SP8: variants seen among roughly 807,000 people sequenced by gnomAD.
The protein encoded by SP8 is transcription factor Sp8.
Under a neutral mutation model 15.3 loss-of-function variants are expected in SP8, and 7 were observed. The ratio of observed to expected loss-of-function variants is 0.46; its 90% confidence interval spans 0.26 to 0.86. The LOEUF is 0.86. SP8 is among the 40% of genes least tolerant of loss of function. The pLI, the probability that SP8 is intolerant of heterozygous loss-of-function variation, is 0.16. For missense variants in SP8, 731 were observed against 736.4 expected, an observed-to-expected ratio of 0.99 and a Z score of 0.09; for synonymous variants, 415 against 356.3, an observed-to-expected ratio of 1.16 and a Z score of -1.86.
chr7:20,784,017 C>G lies in SP8; in HGVS notation c.*273G>C, dbSNP rs1783580021. 1 of 435,342 alleles carries G rather than the reference C, an allele frequency of 2.3e-6. No homozygotes were observed. The allele number at this position is 435,342 out of a possible 1,614,324, so 27.0% of individuals were successfully genotyped here. A position where few individuals can be genotyped will look rare whatever the true frequency, so the allele number is the denominator to read the frequency against. The stretch of plus-strand genomic sequence containing the variant: ...GAGAGAACGAGAAATAAAGGCCCGA[C>G]GAGGCGCGGGTTCCGGCTGCAACGG... On this transcript the variant is annotated 3_prime_UTR_variant, in exon 2 of 2. Coordinates refer to ENST00000418710, the MANE Select transcript of SP8 (RefSeq NM_182700.6).
Position 20,785,288 on chromosome 7 carries a change from G to A in SP8, c.529C>T (p.Pro177Ser). 1.2e-5 allele frequency: 19 copies of A among 1,557,358 alleles called. No individual in the cohort carries two copies. Among genetic ancestry groups the A allele is most frequent in the Non-Finnish European group, 1.5e-5 (17 of 1,156,230 alleles). Residue 177 changes from proline to serine, a missense_variant, in exon 2 of 2, where the codon CCG becomes TCG. Coordinates refer to ENST00000418710, the MANE Select transcript of SP8 (RefSeq NM_182700.6). The surrounding 1 kb of genome is among the most constrained non-coding windows in gnomAD (Gnocchi z 7.2). ...GTGTGCACCTTGGAGATGAACACCG[G>A]CTGGTGGGAGCCGTCCTGCGAGTGC... ...SAHSQDGSHQ[P>S]VFISKVHTSV...
In SP8 at chr7:20,785,713, G is replaced by C. The variant is rs180916416; in HGVS notation, c.104C>G (p.Ser35Cys). 1 of 1,613,994 alleles carries C rather than the reference G, an allele frequency of 6.2e-7. No homozygotes were observed. The highest frequency in any genetic ancestry group is 2.2e-5 in the East Asian group (1 of 44,826). ...GGAAGAAGAGCTGTCCGAGAGGGAG[G>C]AGGGAGACGGGCTGGGGCTGCCTAT... ...NKIGSPSPSP[S>C]SLSDSSSSFG... The change falls in exon 2 of 2, where the codon TCC becomes TGC. Residue 35 changes from serine (S) to cysteine (C), a missense_variant. Ser to Cys is a moderately radical substitution (Grantham distance 112). Coordinates refer to ENST00000418710, the MANE Select transcript of SP8 (RefSeq NM_182700.6). This position sits in a 1 kb window ranked among gnomAD's most constrained non-coding sequence, Gnocchi z 7.2.
Position 20,783,842 on chromosome 7 carries a change from C to CG in SP8, c.*447dup, listed in dbSNP as rs56221191. 1 allele frequency: 161,161 copies of CG among 161,464 alleles called. 80,429 individuals carry two copies. Among genetic ancestry groups the CG allele is most frequent in the East Asian group, 1 (5,400 of 5,400 alleles). The allele number at this position is 161,464 out of a possible 1,614,324, so 10.0% of individuals were successfully genotyped here. A position where few individuals can be genotyped will look rare whatever the true frequency, so the allele number is the denominator to read the frequency against. On this transcript the variant is annotated 3_prime_UTR_variant, in exon 2 of 2. Transcript: ENST00000418710. ...TCCAGCCTCTCCCTCTCCACCGCTC[C>CG]GCTCAGGCTTGTCAGCCGAGCCGCT...
Position 20,783,227 on chromosome 7 carries a change from T to C in SP8, c.*1063A>G, listed in dbSNP as rs1264730291. On this transcript the variant is annotated 3_prime_UTR_variant, in exon 2 of 2. Transcript: ENST00000418710. ...TTGACGGCCGGACTAACAAAAAAGA[T>C]TGGGAGGTTATGTTTGGGAGTGGTG... 13 of 152,480 alleles carry C rather than the reference T, an allele frequency of 8.5e-5. No homozygotes were observed. Among genetic ancestry groups the C allele is most frequent in the South Asian group, 2.1e-4 (1 of 4,824 alleles). The allele number at this position is 152,480 out of a possible 1,614,324, so 9.4% of individuals were successfully genotyped here.
At position 20,785,837 on chromosome 7, in the gene SP8, G is replaced by A. The variant is rs1261267699; in HGVS notation, c.22-42C>T. On this transcript the variant is annotated intron_variant, in intron 1 of 1. Transcript: ENST00000418710. This position sits in a 1 kb window ranked among gnomAD's most constrained non-coding sequence, Gnocchi z 7.2. ...AGAAGGAGTGGGGGAGGGGAGGTGG[G>A]CAAAGGGCCGGTGGGGGAGGAAAGG... is the stretch of plus-strand genomic sequence containing the variant. 2 of 1,070,424 alleles carry A rather than the reference G, an allele frequency of 1.9e-6. No homozygotes were observed. The highest frequency in any genetic ancestry group is 3.5e-5 in the East Asian group (1 of 28,546). 66.3% of individuals were successfully genotyped at this position (1,070,424 alleles called of 1,614,324 possible). A position where few individuals can be genotyped will look rare whatever the true frequency, so the allele number is the denominator to read the frequency against.
Position 20,784,795 on chromosome 7 carries a change from G to C in SP8, c.1022C>G (p.Ala341Gly). The C allele has an allele frequency of 1.3e-6, 2 of 1,533,748 alleles. No individual in the cohort carries two copies. Among genetic ancestry groups the C allele is most frequent in the Non-Finnish European group, 1.7e-6 (2 of 1,146,832 alleles). Residue 341 changes from alanine (A) to glycine (G), a missense_variant, in exon 2 of 2, where the codon GCT (alanine) becomes GGT (glycine). Physicochemically the swap from Ala to Gly is moderately conservative, Grantham distance 60. Transcript: ENST00000418710. ...APLGGSPRSS[A>G]RRYSGRATCD... is the part of the protein sequence containing the mutation. ...GGTGGCGCGGCCGGAGTAGCGGCGA[G>C]CTGAGGAGCGCGGGGAGCCCCCCAG...
Position 20,784,404 on chromosome 7 carries a change from G to T in SP8, c.1413C>A (p.Gly471=). ...TGTCGGTGTCGCTGCCCTTCTTGCC[G>T]CCGCTGCCCGAGCCCGCCGAGCCGC... ...GGGGSAGSGS[G]GKKGSDTDSE... The change falls in exon 2 of 2, where the codon GGC becomes GGA. Residue 471 remains glycine (G), a synonymous_variant. Transcript: ENST00000418710. 1 of 1,527,148 alleles carries T rather than the reference G, an allele frequency of 6.5e-7. No homozygotes were observed. Among genetic ancestry groups the T allele is most frequent in the Non-Finnish European group, 8.8e-7 (1 of 1,142,768 alleles). 94.6% of individuals were successfully genotyped at this position (1,527,148 alleles called of 1,614,324 possible).
At position 20,785,337 on chromosome 7, in the gene SP8, C is replaced by CCCGCCG. The variant is rs749457306; in HGVS notation, c.474_479dup (p.Gly164_Gly165dup). 93 of 1,371,832 alleles carry CCCGCCG rather than the reference C, an allele frequency of 6.8e-5. 1 individual carries two copies. In the East Asian group the frequency reaches 9.4e-4, roughly 14 times the overall value. 85.0% of individuals were successfully genotyped at this position (1,371,832 alleles called of 1,614,324 possible). A position where few individuals can be genotyped will look rare whatever the true frequency, so the allele number is the denominator to read the frequency against. On this transcript the variant is annotated inframe_insertion, in exon 2 of 2. Transcript: ENST00000418710. This position sits in a 1 kb window ranked among gnomAD's most constrained non-coding sequence, Gnocchi z 7.2. ...GCGCGGAGGAGCCGCCGCCGCCGCCCCCGCCGCCGCCGCCGCTGCCCCCGG... is the reference window on the plus strand; with the variant it reads ...GCGCGGAGGAGCCGCCGCCGCCGCCCCCGCCGCCGCCGCCGCCGCCGCTGCCCCCGG...
rs1367044015 is a variant in SP8 at position 20,786,057 on chromosome 7, T to G, written c.22-262A>C. The G allele has an allele frequency of 7.4e-6, 10 of 1,349,758 alleles. No individual in the cohort carries two copies. Among genetic ancestry groups the G allele is most frequent in the Non-Finnish European group, 1.9e-6 (2 of 1,048,070 alleles). 83.6% of individuals were successfully genotyped at this position (1,349,758 alleles called of 1,614,324 possible). A position where few individuals can be genotyped will look rare whatever the true frequency, so the allele number is the denominator to read the frequency against. On this transcript the variant is annotated intron_variant, in intron 1 of 1. Coordinates refer to ENST00000418710, the MANE Select transcript of SP8 (RefSeq NM_182700.6). The surrounding 1 kb of genome is among the most constrained non-coding windows in gnomAD (Gnocchi z 4.4). ...GCAAGCACCACGCTAAAGAAGAGTT[T>G]GACAAGTATTCTCACCTAAAACAAC...
In SP8 at chr7:20,786,717, C is replaced by T; in HGVS notation, c.21+61G>A. The T allele has an allele frequency of 6.7e-7, 1 of 1,501,472 alleles. No homozygotes were observed. 93.0% of individuals were successfully genotyped at this position (1,501,472 alleles called of 1,614,324 possible). ...TGGCCTGGCCGGGGCGACTTTAACCCCCTCCAATCGGCAATAAAAGGAAAC... is the reference window on the plus strand; with the variant it reads ...TGGCCTGGCCGGGGCGACTTTAACCTCCTCCAATCGGCAATAAAAGGAAAC... On this transcript the variant is annotated intron_variant, in intron 1 of 1. Transcript: ENST00000418710. The surrounding 1 kb of genome is among the most constrained non-coding windows in gnomAD (Gnocchi z 4.4).
At position 20,785,180 on chromosome 7, in the gene SP8, C is replaced by T; in HGVS notation, c.637G>A (p.Gly213Ser). ...YESWFKPSHP[G>S]LGAAGEVGSA... ...CCCACCTCGCCCGCAGCACCCAGGC[C>T]CGGGTGCGAGGGCTTAAACCACGAC... Residue 213 changes from glycine to serine, a missense_variant, in exon 2 of 2, where the codon GGC (glycine) becomes AGC (serine). Transcript: ENST00000418710. The surrounding 1 kb of genome is among the most constrained non-coding windows in gnomAD (Gnocchi z 7.2). 6.3e-7 allele frequency: 1 copy of T among 1,599,178 alleles called. No individual in the cohort carries two copies.
rs1783583841 is a variant in SP8, at chr7:20,784,120, C to G, written c.*170G>C. ...GCGTGTTACTTACTTGTCCATATCC[C>G]CTTTACAAAGTTAAGTCACAGAAGG... On this transcript the variant is annotated 3_prime_UTR_variant, in exon 2 of 2. Transcript: ENST00000418710. The G allele has an allele frequency of 6.6e-6, 4 of 607,606 alleles. No individual in the cohort carries two copies. The highest frequency in any genetic ancestry group is 7.7e-6 in the Non-Finnish European group (3 of 389,254). The allele number at this position is 607,606 out of a possible 1,614,324, so 37.6% of individuals were successfully genotyped here.
chr7:20,785,335 CCCCCGCCG>C lies in SP8; in HGVS notation c.474_481del (p.Gly159ArgfsTer47). ...GTGCGCGGAGGAGCCGCCGCCGCCGCCCCCGCCGCCGCCGCCGCTGCCCCCGGAAACTC... is the reference window on the plus strand; with the variant it reads ...GTGCGCGGAGGAGCCGCCGCCGCCGCCCGCCGCCGCTGCCCCCGGAAACTC... On this transcript the variant is annotated frameshift_variant, in exon 2 of 2. Coordinates refer to ENST00000418710, the MANE Select transcript of SP8 (RefSeq NM_182700.6). LOFTEE classifies it low-confidence loss of function (END_TRUNC). This position sits in a 1 kb window ranked among gnomAD's most constrained non-coding sequence, Gnocchi z 7.2. The C allele has an allele frequency of 7.3e-7, 1 of 1,379,026 alleles. No individual in the cohort carries two copies. Among genetic ancestry groups the C allele is most frequent in the South Asian group, 1.3e-5 (1 of 74,592 alleles). 85.4% of individuals were successfully genotyped at this position (1,379,026 alleles called of 1,614,324 possible).
At position 20,786,783 on chromosome 7, in the gene SP8, G is replaced by C. The variant is rs761190891; in HGVS notation, c.16C>G (p.Leu6Val). The C allele has an allele frequency of 2.5e-6, 4 of 1,613,548 alleles. No homozygotes were observed. The highest frequency in any genetic ancestry group is 3.4e-6 in the Non-Finnish European group (4 of 1,179,482). MATSL[L>V]GEEPRLGSTP... is the part of the protein sequence containing the mutation. ...GAGAAAATCCTGAGACTCACCCCTAGAAGTGAAGTTGCCATCACACAAAAG... is the reference window on the plus strand; with the variant it reads ...GAGAAAATCCTGAGACTCACCCCTACAAGTGAAGTTGCCATCACACAAAAG... Residue 6 changes from leucine to valine, a missense_variant, in exon 1 of 2, where the codon CTA becomes GTA. Leu to Val is a conservative substitution (Grantham distance 32, BLOSUM62 1). Coordinates refer to ENST00000418710, the MANE Select transcript of SP8 (RefSeq NM_182700.6). This position sits in a 1 kb window ranked among gnomAD's most constrained non-coding sequence, Gnocchi z 4.4.
chr7:20,784,926 G>A lies in SP8; in HGVS notation c.891C>T (p.Leu297=), dbSNP rs2128063369. ...SHLLSPAGQH[L]MDGFKPVLPG... ...GTAGCACTGGCTTGAAGCCGTCCAT[G>A]AGGTGCTGCCCGGCGGGGCTGAGCA... is the stretch of plus-strand genomic sequence containing the variant. Residue 297 remains leucine, a synonymous_variant, in exon 2 of 2, where the codon CTC becomes CTT. Transcript: ENST00000418710. 6.5e-7 allele frequency: 1 copy of A among 1,548,962 alleles called. No homozygotes were observed. The highest frequency in any genetic ancestry group is 1.9e-5 in the Admixed American group (1 of 52,608).
At position 20,782,446 on chromosome 7, in the gene SP8, C is replaced by G. The variant is rs1431473314; in HGVS notation, c.*1844G>C. 2 of 152,620 alleles carry G rather than the reference C, an allele frequency of 1.3e-5. No individual in the cohort carries two copies. Among genetic ancestry groups the G allele is most frequent in the Non-Finnish European group, 2.9e-5 (2 of 68,030 alleles). The allele number at this position is 152,620 out of a possible 1,614,324, so 9.5% of individuals were successfully genotyped here. A position where few individuals can be genotyped will look rare whatever the true frequency, so the allele number is the denominator to read the frequency against. ...ACAATGAGCAATTAGTTTGCAGAAT[C>G]TGCAAACATTTAAATGTAGTGTCAG... is the stretch of plus-strand genomic sequence containing the variant. On this transcript the variant is annotated 3_prime_UTR_variant, in exon 2 of 2. Coordinates refer to ENST00000418710, the MANE Select transcript of SP8 (RefSeq NM_182700.6).
chr7:20,784,900 G>A lies in SP8; in HGVS notation c.917C>T (p.Pro306Leu). Residue 306 changes from proline (P) to leucine (L), a missense_variant, in exon 2 of 2, where the codon CCC becomes CTC. By Grantham distance (98) the Pro-to-Leu change is moderately conservative (BLOSUM62 -3). This residue lies in a region of SP8 where 586 missense variants were observed against 524.9 expected (regional missense o/e 1.12). Coordinates refer to ENST00000418710, the MANE Select transcript of SP8 (RefSeq NM_182700.6). ...CGGGGCCGAGTCCGGGTAGGAGCCG[G>A]GTAGCACTGGCTTGAAGCCGTCCAT... Reference protein sequence around the residue: ...HLMDGFKPVLPGSYPDSAPSP... With the variant: ...HLMDGFKPVLLGSYPDSAPSP... The A allele has an allele frequency of 1.3e-6, 2 of 1,536,428 alleles. No individual in the cohort carries two copies. The highest frequency in any genetic ancestry group is 1.7e-6 in the Non-Finnish European group (2 of 1,147,616).
In SP8 at chr7:20,785,167, G is replaced by T; in HGVS notation, c.650C>A (p.Ala217Glu). 6.3e-7 allele frequency: 1 copy of T among 1,596,474 alleles called. No individual in the cohort carries two copies. The highest frequency in any genetic ancestry group is 1.4e-5 in the African/African-American group (1 of 73,862). ...GGCGCCGGCCGAGCCCACCTCGCCC[G>T]CAGCACCCAGGCCCGGGTGCGAGGG... ...FKPSHPGLGA[A>E]GEVGSAGASS... Residue 217 changes from alanine (A) to glutamate (E), a missense_variant, in exon 2 of 2, where the codon GCG becomes GAG. Physicochemically the swap from Ala to Glu is moderately radical, Grantham distance 107. Coordinates refer to ENST00000418710, the MANE Select transcript of SP8 (RefSeq NM_182700.6). This position sits in a 1 kb window ranked among gnomAD's most constrained non-coding sequence, Gnocchi z 7.2.
chr7:20,785,521 G>C lies in SP8; in HGVS notation c.296C>G (p.Ala99Gly). Residue 99 changes from alanine (A) to glycine (G), a missense_variant, in exon 2 of 2, where the codon GCC (alanine) becomes GGC (glycine). By Grantham distance (60) the Ala-to-Gly change is moderately conservative (BLOSUM62 0). Transcript: ENST00000418710. This position sits in a 1 kb window ranked among gnomAD's most constrained non-coding sequence, Gnocchi z 7.2. ...AAAAAAAAAA[A>G]LVSDSFSCGG... ...GCAGCTGAACGAGTCGGACACCAGGGCCGCGGCAGCCGCGGCTGCTGCCGC... is the reference window on the plus strand; with the variant it reads ...GCAGCTGAACGAGTCGGACACCAGGCCCGCGGCAGCCGCGGCTGCTGCCGC... 6.9e-7 allele frequency: 1 copy of C among 1,439,362 alleles called. No homozygotes were observed. The highest frequency in any genetic ancestry group is 9.0e-7 in the Non-Finnish European group (1 of 1,105,736). The allele number at this position is 1,439,362 out of a possible 1,614,324, so 89.2% of individuals were successfully genotyped here. A position where few individuals can be genotyped will look rare whatever the true frequency, so the allele number is the denominator to read the frequency against.
Sources: gnomAD v4.1 joint callset for allele counts on GRCh38, gnomAD v4.1.1 for gene constraint, gnomAD v4.1.1 regional missense constraint, Gnocchi (gnomAD v3.1) non-coding constraint, MANE v1.5 for transcripts, NCBI Gene and HGNC (gene_info 2026-07-23, HGNC 2026-07-21) for gene names.